Variants in SOX5 observed in about 807,000 individuals in gnomAD.
SOX5 encodes SRY-box transcription factor 5, also known as transcription factor SOX-5.
Under a neutral mutation model 92.0 loss-of-function variants are expected in SOX5, and 9 were observed. That is an observed-to-expected ratio of 0.10 (90% confidence interval 0.06 to 0.17). The LOEUF (loss-of-function observed/expected upper bound fraction) is 0.17, where lower values mean the gene tolerates loss of function less well. SOX5 is among the 10% of genes least tolerant of loss of function. The pLI, the probability that SOX5 is intolerant of heterozygous loss-of-function variation, is 1.00. For missense variants in SOX5, 642 were observed against 944.5 expected, an observed-to-expected ratio of 0.68 and a Z score of 4.20; for synonymous variants, 344 against 336.3, an observed-to-expected ratio of 1.02 and a Z score of -0.25.
rs182015820 is a variant in SOX5 at position 24,529,296 on chromosome 12, T to G, written c.-251+33033A>C. On this transcript the variant is annotated intron_variant, in intron 1 of 4. Coordinates refer to the SOX5 transcript ENST00000446891. ...TAATACATTACTTTACCACATCGGG[T>G]TTTTTCCCCACCATTTAATTCACTG... Among the ~76,000 whole-genome samples, 453 of 152,212 alleles carry G rather than the reference T, an allele frequency of 3.0e-3. 5 individuals are homozygous for G. The highest frequency in any genetic ancestry group is 9.5e-3 in the African/African-American group (395 of 41,538).
chr12:23,904,844 A>G (rs750494034), intron 1 of SOX5, among the ~76,000 whole-genome samples: 27 of 152,020 alleles, frequency 1.8e-4, no homozygotes, highest in Non-Finnish European at 3.8e-4. Context: ...CTTCTTCACC[A>G]CCTTTTTGCT....
chr12:23,861,216 G>C (rs141862932), intron 2 of SOX5, among the ~76,000 whole-genome samples: 45 of 152,236 alleles, frequency 3.0e-4, no homozygotes, highest in Middle Eastern at 3.4e-3. Context: ...TCTTGGTGCT[G>C]TGTGTCCTGC....
At chr12:24,101,082 G>C (rs973186436) in intron 4 of SOX5, among the ~76,000 whole-genome samples, 1 of 152,002 alleles carries the variant, frequency 6.6e-6, no homozygotes, top group Non-Finnish European at 1.5e-5. Flanking sequence ...TCATCTTTAA[G>C]AAATCAATGA....
rs866734789 is a variant in SOX5, at chr12:24,157,591, T to C, written c.-2+55752A>G. Reference sequence around the variant, plus strand: ...TTGGATAGATTGAAGATCCAGCTCATTACAGTTATCCTATGGGTCAATGTA... The same window carrying C: ...TTGGATAGATTGAAGATCCAGCTCACTACAGTTATCCTATGGGTCAATGTA... On this transcript the variant is annotated intron_variant, in intron 4 of 4. Transcript: ENST00000446891. Among the ~76,000 whole-genome samples, 3 of 152,250 alleles carry C rather than the reference T, an allele frequency of 2.0e-5. No individual in the cohort carries two copies. In the Middle Eastern group the frequency reaches 0.01, roughly 518 times the overall value.
intron 2 of SOX5, among the ~76,000 whole-genome samples, chr12:24,362,294 A>T (rs1955666133): frequency 1.4e-5 from 2 of 146,550 alleles, no homozygotes; most frequent in East Asian, 4.0e-4. Flanking sequence ...AATGTTTGTT[A>T]TTACAAGTCA....
chr12:23,971,121 C>CTTATTTTTTTT (rs1948275759), intron 4 of SOX5, among the ~76,000 whole-genome samples: 1 of 86,222 alleles, frequency 1.2e-5, no homozygotes, highest in Non-Finnish European at 2.0e-5. Flanking sequence ...TGTCAGCTGA[C>CTTATTTTTTTT]TTTTTTTTTT....
intron 3 of SOX5, among the ~76,000 whole-genome samples, chr12:24,236,927 G>T (rs931863903): frequency 2.0e-5 from 3 of 151,614 alleles, no homozygotes; most frequent in African/African-American, 7.3e-5. Flanking sequence ...AAAAAATGTA[G>T]ATCTGGATTA....
chr12:23,777,961 A>G (rs2095159320), intron 3 of SOX5, among the ~76,000 whole-genome samples: 1 of 152,170 alleles, frequency 6.6e-6, no homozygotes, highest in Admixed American at 6.5e-5. Context: ...GTGTTTAAAG[A>G]TACATACTTT....
At chr12:24,067,958 A>G (rs1456027211) in intron 4 of SOX5, among the ~76,000 whole-genome samples, 3 of 152,150 alleles carry the variant, frequency 2.0e-5, no homozygotes, top group African/African-American at 4.8e-5. Context: ...CAGCCTGGAC[A>G]ACACGGTGAA....
intron 3 of SOX5, among the ~76,000 whole-genome samples, chr12:24,273,468 A>G (rs1944026072): frequency 6.6e-6 from 1 of 152,046 alleles, no homozygotes; most frequent in Non-Finnish European, 1.5e-5. Flanking sequence ...CTTTATATTT[A>G]CCCCAAAAAA....
rs147602544 is a variant in SOX5, at chr12:24,294,756, C to T, written c.-173-17444G>A. On this transcript the variant is annotated intron_variant, in intron 2 of 4. Transcript: ENST00000446891. ...AAGGCAAACATGTTTCCCTGAAAAT[C>T]AAGTTTCATTTGCTGCGCACAAAGT... is the stretch of plus-strand genomic sequence containing the variant. Among the ~76,000 whole-genome samples the T allele has an allele frequency of 1.7e-3, 257 of 152,316 alleles. 2 individuals carry two copies. Among genetic ancestry groups the T allele is most frequent in the African/African-American group, 5.6e-3 (234 of 41,572 alleles).
intron 8 of SOX5, chr12:23,638,370 G>C (rs756078740): frequency 1.3e-5 from 2 of 152,124 alleles, no homozygotes; most frequent in Non-Finnish European, 2.9e-5. Context: ...TTTCCAGCAG[G>C]ACTGAATTTT....
At chr12:23,576,678 G>C (rs1033713765) in intron 9 of SOX5, among the ~76,000 whole-genome samples, 3 of 151,688 alleles carry the variant, frequency 2.0e-5, no homozygotes, top group Non-Finnish European at 4.4e-5. Context: ...CGTTCTCTTA[G>C]GTAATTTCAT....
intron 4 of SOX5, among the ~76,000 whole-genome samples, chr12:23,999,436 TAA>T (rs768584167): frequency 6.6e-6 from 1 of 152,094 alleles, no homozygotes; most frequent in Non-Finnish European, 1.5e-5. Flanking sequence ...TAAATTTTCC[TAA>T]GAGAGTGGAT....
At chr12:24,479,255 G>A (rs1945715684) in intron 1 of SOX5, among the ~76,000 whole-genome samples, 1 of 152,140 alleles carries the variant, frequency 6.6e-6, no homozygotes, top group African/African-American at 2.4e-5. Context: ...CCCCACTGCT[G>A]TCCCATTAGA....
chr12:23,729,033 C>CTT (rs780984662), intron 6 of SOX5, among the ~76,000 whole-genome samples: 2 of 144,288 alleles, frequency 1.4e-5, no homozygotes, highest in Admixed American at 6.9e-5. Flanking sequence ...AAAGTATATT[C>CTT]TTTTTTTTTT....
chr12:24,307,033 G>C (rs1178257699), intron 2 of SOX5, among the ~76,000 whole-genome samples: 1 of 152,096 alleles, frequency 6.6e-6, no homozygotes, highest in African/African-American at 2.4e-5. Flanking sequence ...AGGAGCTCAA[G>C]ACCAACCAGG....
At chr12:23,954,984 A>C (rs1439378682), upstream of SOX5, among the ~76,000 whole-genome samples, 1 of 152,122 alleles carries the variant, frequency 6.6e-6, no homozygotes, top group African/African-American at 2.4e-5. Flanking sequence ...TATATGATAC[A>C]TAATAAAAGC....
intron 6 of SOX5, among the ~76,000 whole-genome samples, chr12:23,675,041 T>A (rs997592545): frequency 2.0e-5 from 3 of 152,128 alleles, no homozygotes; most frequent in Non-Finnish European, 4.4e-5. Context: ...GATATTTGAC[T>A]GAAGAAAGAT....
Sources: allele counts gnomAD v4.1 joint callset (sites outside exome capture counted in the v4.1 genomes callset), GRCh38; gene constraint gnomAD v4.1.1; transcripts MANE v1.5; gene names NCBI Gene and HGNC (gene_info 2026-07-23, HGNC 2026-07-21).